The following BRD10 variants were observed in gnomAD, a reference collection of about 807,000 sequenced individuals.
BRD10 encodes bromodomain containing 10.
chr9:5,907,131 A>G, the BRD10 span: 1 of 445,316 alleles, frequency 2.2e-6, no homozygotes, highest in Admixed American at 4.4e-5. Flanking sequence ...ACACCTAAAA[A>G]TGGTTAAAAT....
At chr9:5,909,924 C>A in the BRD10 span, 1 of 152,246 alleles carries the variant, frequency 6.6e-6, no homozygotes, top group African/African-American at 2.4e-5. Context: ...CTCTTTCAGG[C>A]AGCTCATTTA....
the BRD10 span, among the ~76,000 whole-genome samples, chr9:5,971,554 T>C: frequency 6.6e-6 from 1 of 152,184 alleles, no homozygotes; most frequent in African/African-American, 2.4e-5. Context: ...CTTTGGCAAA[T>C]ATCACAACTT....
the BRD10 span, chr9:5,921,259 T>A: frequency 2.5e-6 from 4 of 1,614,008 alleles, no homozygotes; most frequent in Non-Finnish European, 2.5e-6. Context: ...TTGCTTGACC[T>A]ATGTTTAGTC....
At chr9:5,896,698 T>A in the BRD10 span, among the ~76,000 whole-genome samples, 1 of 152,226 alleles carries the variant, frequency 6.6e-6, no homozygotes, top group Non-Finnish European at 1.5e-5. Flanking sequence ...TGATGATGCT[T>A]GCCCGGAGTG....
chr9:5,958,230 A>T, the BRD10 span, among the ~76,000 whole-genome samples: 5 of 152,216 alleles, frequency 3.3e-5, no homozygotes, highest in African/African-American at 1.2e-4. Context: ...AGAATGCCCA[A>T]CCTGAGAGGG....
chr9:5,899,366 G>C, the BRD10 span: 3 of 152,124 alleles, frequency 2.0e-5, no homozygotes, highest in African/African-American at 7.2e-5. Context: ...CAAGAAACTT[G>C]GGCAGTCTCA....
chr9:5,970,186 G>A, the BRD10 span, among the ~76,000 whole-genome samples: 5 of 152,096 alleles, frequency 3.3e-5, no homozygotes, highest in African/African-American at 1.2e-4. Context: ...ATGTTAACTC[G>A]AGTTTTATAT....
chr9:5,978,627 A>G, the BRD10 span, among the ~76,000 whole-genome samples: 1 of 152,188 alleles, frequency 6.6e-6, no homozygotes, highest in Non-Finnish European at 1.5e-5. Context: ...TTTAAGGATT[A>G]GTAGGGAGCT....
chr9:5,883,623 GC>G, the BRD10 span, among the ~76,000 whole-genome samples: 1 of 151,628 alleles, frequency 6.6e-6, no homozygotes, highest in Non-Finnish European at 1.5e-5. Flanking sequence ...GCACCAACAT[GC>G]CTGGCTAATT....
chr9:5,931,188 C>T, the BRD10 span, among the ~76,000 whole-genome samples: 1 of 152,168 alleles, frequency 6.6e-6, no homozygotes, highest in Non-Finnish European at 1.5e-5. Flanking sequence ...AGTATGACTG[C>T]TGCCTGGATT....
At chr9:5,979,520 C>T in the BRD10 span, among the ~76,000 whole-genome samples, 1 of 149,224 alleles carries the variant, frequency 6.7e-6, no homozygotes, top group Non-Finnish European at 1.5e-5. Flanking sequence ...AAAAAACCCA[C>T]AAACAAAAAA....
the BRD10 span, chr9:5,969,174 G>A: frequency 1.9e-6 from 3 of 1,613,742 alleles, no homozygotes; most frequent in Non-Finnish European, 2.5e-6. Context: ...GGTCTGCGAT[G>A]GGGAGGACTT....
At chr9:5,982,439 C>A in the BRD10 span, among the ~76,000 whole-genome samples, 1 of 152,086 alleles carries the variant, frequency 6.6e-6, no homozygotes, top group Non-Finnish European at 1.5e-5. Context: ...GAGGTGGGGC[C>A]TTCAAGAGGT....
the BRD10 span, chr9:5,921,311 TTTA>T: frequency 4.3e-6 from 7 of 1,613,944 alleles, no homozygotes; most frequent in South Asian, 7.7e-5. Flanking sequence ...TGGTGATGAA[TTTA>T]TTTTTATTGG....
the BRD10 span, among the ~76,000 whole-genome samples, chr9:5,970,606 T>C: frequency 6.6e-6 from 1 of 151,926 alleles, no homozygotes; most frequent in Non-Finnish European, 1.5e-5. Flanking sequence ...ACTAGAAAAA[T>C]TTCTGCTTTT....
the BRD10 span, among the ~76,000 whole-genome samples, chr9:5,928,073 T>A: frequency 1.3e-5 from 2 of 152,208 alleles, no homozygotes; most frequent in South Asian, 4.1e-4. Context: ...ACTCCTTGAG[T>A]TTCCCCTATC....
the BRD10 span, chr9:5,923,354 C>T: frequency 7.2e-7 from 1 of 1,386,916 alleles, no homozygotes; most frequent in Non-Finnish European, 9.9e-7. Flanking sequence ...AAAACAGCAA[C>T]TAAATAGTAA....
the BRD10 span, among the ~76,000 whole-genome samples, chr9:5,898,674 A>G: frequency 2.0e-5 from 3 of 152,320 alleles, no homozygotes; most frequent in South Asian, 6.2e-4. Context: ...TAGACACCTC[A>G]GGTTTTACCA....
the BRD10 span, chr9:6,008,194 G>A: frequency 1.0e-6 from 1 of 974,518 alleles, no homozygotes; most frequent in Non-Finnish European, 1.2e-6. Flanking sequence ...GAGGAGGAAG[G>A]GGGTTCTCCT....
Sources: gnomAD v4.1 joint callset for allele counts (sites outside exome capture counted in the v4.1 genomes callset) on GRCh38, gnomAD v4.1.1 for gene constraint, MANE v1.5 for transcripts, NCBI Gene and HGNC (gene_info 2026-07-23, HGNC 2026-07-21) for gene names.